Variants in HNRNPLL observed in about 807,000 individuals in gnomAD.
The protein encoded by HNRNPLL is heterogeneous nuclear ribonucleoprotein L-like.
HNRNPLL carries 25 observed loss-of-function variants against 67.1 expected under a neutral mutation model. The observed-to-expected ratio is 0.37, with a 90% CI of 0.27 to 0.52. The LOEUF is 0.52. Ranked by LOEUF, HNRNPLL falls within the 20% of genes least tolerant of loss-of-function variation. The probability of loss-of-function intolerance (pLI) is 0.90; values close to 1 mark genes in which losing one functional copy is unlikely to be tolerated. For synonymous variants in HNRNPLL, 267 were observed against 241.7 expected (o/e 1.10, Z -0.97); for missense variants, 542 against 673.9 (o/e 0.80, Z 2.17).
intron 7 of HNRNPLL, among the ~76,000 whole-genome samples, chr2:38,573,970 C>A (rs1558532791): frequency 6.6e-6 from 1 of 151,784 alleles, no homozygotes; most frequent in Non-Finnish European, 1.5e-5. Context: ...AAACTAAAAC[C>A]CTAGATTTAG....
intron 6 of HNRNPLL, among the ~76,000 whole-genome samples, chr2:38,580,609 A>T (rs987002548): frequency 5.3e-5 from 8 of 152,204 alleles, no homozygotes; most frequent in Admixed American, 1.3e-4. Flanking sequence ...CCTGTAGTTC[A>T]AACACTGATA....
chr2:38,596,555 G>A (rs578195828), intron 1 of HNRNPLL, among the ~76,000 whole-genome samples: 8 of 152,206 alleles, frequency 5.3e-5, no homozygotes, highest in South Asian at 2.1e-4. Flanking sequence ...ACCGCGCCCC[G>A]CCTGTAGAGA....
rs1373667313 is a variant in HNRNPLL at position 38,569,173 on chromosome 2, T to C, written c.1376A>G (p.Tyr459Cys). The part of the protein sequence containing the change: ...IQPPSCVLHY[Y>C]NVPLCVTEET... ...TTCTGTGACACACAATGGAACATTA[T>C]AATAATGCAAAACACAGGAGGGTGG... is the stretch of plus-strand genomic sequence containing the variant. The change falls in exon 10 of 13, where the codon TAT becomes TGT. Residue 459 changes from tyrosine to cysteine, a missense_variant. Tyr to Cys is a radical substitution (Grantham distance 194). Transcript: ENST00000449105. The C allele has an allele frequency of 6.2e-7, 1 of 1,612,930 alleles. No homozygotes were observed. The highest frequency in any genetic ancestry group is 1.3e-5 in the African/African-American group (1 of 74,886).
intron 8 of HNRNPLL, among the ~76,000 whole-genome samples, chr2:38,571,336 G>C (rs1354274297): frequency 6.6e-6 from 1 of 151,974 alleles, no homozygotes; most frequent in Non-Finnish European, 1.5e-5. Flanking sequence ...CCTATTGTTG[G>C]AGCAGTTAAC....
intron 12 of HNRNPLL, 31 bp downstream of exon 12, chr2:38,568,168 A>T: frequency 7.3e-7 from 1 of 1,372,684 alleles, no homozygotes; most frequent in Non-Finnish European, 1.0e-6. Flanking sequence ...GCCACTACAT[A>T]ATTACAACAC....
rs1024429583 is a variant in HNRNPLL at position 38,583,729 on chromosome 2, T to G, written c.632+112A>C. The G allele has an allele frequency of 5.9e-6, 3 of 505,592 alleles. No individual in the cohort carries two copies. In the African/African-American group the frequency reaches 6.0e-5, roughly 10 times the overall value. 31.3% of individuals were successfully genotyped at this position (505,592 alleles called of 1,614,324 possible). On this transcript the variant is annotated intron_variant, in intron 4 of 12. Transcript: ENST00000449105. The stretch of plus-strand genomic sequence containing the variant: ...TTTCATTTTTTAAAGCTAAGTCACG[T>G]AGATTTTTGTGAGAGGACAAAGTAA...
At chr2:38,590,853 A>T (rs1022325851) in intron 2 of HNRNPLL, among the ~76,000 whole-genome samples, 1 of 152,154 alleles carries the variant, frequency 6.6e-6, no homozygotes, top group Non-Finnish European at 1.5e-5. Context: ...AAATTTTTTT[A>T]AATTACCCGG....
chr2:38,602,527 A>G lies in HNRNPLL; in HGVS notation c.100T>C (p.Tyr34His), dbSNP rs1667487720. The G allele has an allele frequency of 6.4e-7, 1 of 1,555,638 alleles. No individual in the cohort carries two copies. Among genetic ancestry groups the G allele is most frequent in the Non-Finnish European group, 8.7e-7 (1 of 1,150,656 alleles). Reference sequence around the variant, plus strand: ...CGGTTCTCGCCTTCCTCGGCCGAGTAGTCGATCTCCCCCTCCTCGGTCTTG... The same window carrying G: ...CGGTTCTCGCCTTCCTCGGCCGAGTGGTCGATCTCCCCCTCCTCGGTCTTG... ...RLKTEEGEIDYSAEEGENRRE... is the reference protein window; with the variant it reads ...RLKTEEGEIDHSAEEGENRRE... Residue 34 changes from tyrosine to histidine, a missense_variant, in exon 1 of 13, where the codon TAC (tyrosine) becomes CAC (histidine). Transcript: ENST00000449105.
chr2:38,579,551 T>C (rs541192144), intron 6 of HNRNPLL, among the ~76,000 whole-genome samples: 33 of 152,140 alleles, frequency 2.2e-4, no homozygotes, highest in African/African-American at 7.0e-4. Flanking sequence ...AGTGGTAAGC[T>C]TTCCTAGAGT....
chr2:38,567,655 C>A (rs1364288396), intron 12 of HNRNPLL, among the ~76,000 whole-genome samples: 1 of 152,176 alleles, frequency 6.6e-6, no homozygotes, highest in African/African-American at 2.4e-5. Flanking sequence ...TCCCCTCCTA[C>A]ACTCACTGTA....
chr2:38,595,798 C>G (rs757280942), intron 1 of HNRNPLL, among the ~76,000 whole-genome samples: 12 of 151,974 alleles, frequency 7.9e-5, no homozygotes, highest in Admixed American at 7.9e-4. Flanking sequence ...GAGCTGAGAT[C>G]GCGCCACTGC....
chr2:38,592,663 C>T (rs529939634), intron 1 of HNRNPLL, among the ~76,000 whole-genome samples: 1 of 152,114 alleles, frequency 6.6e-6, no homozygotes, highest in Admixed American at 6.5e-5. Flanking sequence ...AGTATCTGTA[C>T]GAATTACTTT....
chr2:38,593,957 A>T (rs1292834884), intron 1 of HNRNPLL, among the ~76,000 whole-genome samples: 1 of 152,094 alleles, frequency 6.6e-6, no homozygotes, highest in Non-Finnish European at 1.5e-5. Context: ...GGTAGATCAC[A>T]AGGTCAGGAG....
At chr2:38,599,491 T>A (rs1349473056) in intron 1 of HNRNPLL, among the ~76,000 whole-genome samples, 2 of 152,138 alleles carry the variant, frequency 1.3e-5, no homozygotes, top group East Asian at 3.8e-4. Context: ...AGTAACTGTA[T>A]AATATGTGGC....
In HNRNPLL at chr2:38,573,253, G is replaced by A; in HGVS notation, c.1049C>T (p.Ser350Leu). The change falls in exon 8 of 13, where the codon TCA (serine) becomes TTA (leucine). Residue 350 changes from serine (S) to leucine (L), a missense_variant. Physicochemically the swap from Ser to Leu is moderately radical, Grantham distance 145 (BLOSUM62 -2). Transcript: ENST00000449105. ...TAAGCAGAACAGGTTGAAGACTCTT[G>A]AACAATTCATTTTTAGTTGATGTAA... ...SGLHQLKMNCSRVFNLFCLYG... is the reference protein window; with the variant it reads ...SGLHQLKMNCLRVFNLFCLYG... 6.2e-7 allele frequency: 1 copy of A among 1,609,886 alleles called. No individual in the cohort carries two copies.
chr2:38,597,978 TGCCCG>T (rs1474484785), intron 1 of HNRNPLL, among the ~76,000 whole-genome samples: 1 of 152,062 alleles, frequency 6.6e-6, no homozygotes, highest in Non-Finnish European at 1.5e-5. Context: ...TGAGCCACCG[TGCCCG>T]GCCAAGTCAA....
Position 38,602,492 on chromosome 2 carries a change from C to G in HNRNPLL, c.135G>C (p.Ala45=). Residue 45 remains alanine (A), a synonymous_variant, in exon 1 of 13, where the codon GCG becomes GCC. Transcript: ENST00000449105. ...CGCCATCGCCCCCGCCCCGGGGCGT[C>G]GCTTCCCGGCGGTTCTCGCCTTCCT... is the stretch of plus-strand genomic sequence containing the variant. ...SAEEGENRRE[A]TPRGGGDGGG... 9 of 1,545,844 alleles carry G rather than the reference C, an allele frequency of 5.8e-6. No homozygotes were observed. Among genetic ancestry groups the G allele is most frequent in the Non-Finnish European group, 7.8e-6 (9 of 1,147,916 alleles).
chr2:38,565,263 T>C (rs1665812488), intron 12 of HNRNPLL, among the ~76,000 whole-genome samples: 1 of 152,200 alleles, frequency 6.6e-6, no homozygotes, highest in Non-Finnish European at 1.5e-5. Context: ...GATAAAAACA[T>C]ACATAACTGT....
chr2:38,573,822 A>T (rs577818720), intron 7 of HNRNPLL, among the ~76,000 whole-genome samples: 2 of 152,004 alleles, frequency 1.3e-5, no homozygotes, highest in African/African-American at 4.8e-5. Context: ...TATTACATGT[A>T]CAGTGAAATC....
Sources: gnomAD v4.1 joint callset for allele counts (sites outside exome capture counted in the v4.1 genomes callset) on GRCh38, gnomAD v4.1.1 for gene constraint, MANE v1.5 for transcripts, NCBI Gene and HGNC (gene_info 2026-07-23, HGNC 2026-07-21) for gene names.